Variants in TIE1 observed in about 807,000 individuals in gnomAD.
The protein encoded by TIE1 is tyrosine kinase with immunoglobulin like and EGF like domains 1.
Under a neutral mutation model 130.5 loss-of-function variants are expected in TIE1, and 89 were observed. The observed-to-expected ratio is 0.68, with a 90% CI of 0.57 to 0.81. The LOEUF is 0.81. Among genes scored for constraint, TIE1 ranks in the 40% least tolerant of loss-of-function variants. TIE1 has a pLI of 0.00. For synonymous variants in TIE1, 568 were observed against 629.4 expected (o/e 0.90, Z 1.46); for missense variants, 1,392 against 1,559.8 (o/e 0.89, Z 1.81).
chr1:43,310,537 C>G (rs1218915457), intron 9 of TIE1, among the ~76,000 whole-genome samples: 1 of 152,148 alleles, frequency 6.6e-6, no homozygotes, highest in Non-Finnish European at 1.5e-5. Flanking sequence ...TAAAATGTCA[C>G]CTAGTCCCTA....
intron 1 of TIE1, among the ~76,000 whole-genome samples, chr1:43,303,932 A>G (rs1646696184): frequency 6.6e-6 from 1 of 151,940 alleles, no homozygotes; most frequent in Non-Finnish European, 1.5e-5. Context: ...AGCGCCCTAC[A>G]TTTGGCAGCT....
intron 19 of TIE1, chr1:43,320,112 C>T (rs1646898982): frequency 6.2e-6 from 1 of 160,354 alleles, no homozygotes; most frequent in Non-Finnish European, 1.4e-5. Flanking sequence ...TCTGCCCCAA[C>T]ACTCCCTTGA....
At position 43,307,035 on chromosome 1, in the gene TIE1, G is replaced by A. The variant is rs756225035; in HGVS notation, c.640+40G>A. On this transcript the variant is annotated intron_variant, in intron 4 of 22. Transcript: ENST00000372476. The surrounding 1 kb of genome is among the most constrained non-coding windows in gnomAD (Gnocchi z 5.4). Reference sequence around the variant, plus strand: ...GCAGAGGTTGTGGGTAGGGTGGGAGGCTGGGAGCCCTATGGGTACTTCCTG... The same window carrying A: ...GCAGAGGTTGTGGGTAGGGTGGGAGACTGGGAGCCCTATGGGTACTTCCTG... 3 of 1,613,284 alleles carry A rather than the reference G, an allele frequency of 1.9e-6. No individual in the cohort carries two copies. The highest frequency in any genetic ancestry group is 1.7e-6 in the Non-Finnish European group (2 of 1,179,830).
intron 14 of TIE1, chr1:43,314,723 G>A (rs1022039711): frequency 3.3e-5 from 7 of 214,352 alleles, no homozygotes; most frequent in Non-Finnish European, 4.8e-5. Context: ...AGCTACTCGG[G>A]AGGCTGAGGC....
In TIE1 at chr1:43,317,264, G is replaced by A; in HGVS notation, c.2475G>A (p.Gln825=). 1 of 1,614,164 alleles carries A rather than the reference G, an allele frequency of 6.2e-7. No individual in the cohort carries two copies. Among genetic ancestry groups the A allele is most frequent in the Non-Finnish European group, 8.5e-7 (1 of 1,180,036 alleles). The part of the protein sequence containing the change: ...TLTLTRRPKL[Q]PEPLSYPVLE... ...CACTTACCCGGCGGCCAAAACTGCA[G>A]CCCGAGCCCCTGAGCTACCCAGTGC... Residue 825 remains glutamine (Q), a synonymous_variant, in exon 15 of 23, where the codon CAG becomes CAA. Transcript: ENST00000372476. The surrounding 1 kb of genome is among the most constrained non-coding windows in gnomAD (Gnocchi z 5.1).
rs1263971954 is a variant in TIE1 at position 43,307,587 on chromosome 1, C to T, written c.913+15C>T. On this transcript the variant is annotated intron_variant, in intron 6 of 22. Coordinates refer to ENST00000372476, the MANE Select transcript of TIE1 (RefSeq NM_005424.5). This position sits in a 1 kb window ranked among gnomAD's most constrained non-coding sequence, Gnocchi z 5.4. ...GTGCCAAGAAGGTATGCCTAACCTA[C>T]CCTCATGGTCCCTGACCAAGACAGC... 6.2e-7 allele frequency: 1 copy of T among 1,613,804 alleles called. No individual in the cohort carries two copies. The highest frequency in any genetic ancestry group is 1.3e-5 in the African/African-American group (1 of 74,912).
At position 43,317,859 on chromosome 1, in the gene TIE1, C is replaced by G; in HGVS notation, c.2732-23C>G. 2.5e-6 allele frequency: 4 copies of G among 1,612,466 alleles called. No individual in the cohort carries two copies. The highest frequency in any genetic ancestry group is 3.4e-6 in the Non-Finnish European group (4 of 1,178,944). On this transcript the variant is annotated intron_variant, in intron 16 of 22. Coordinates refer to ENST00000372476, the MANE Select transcript of TIE1 (RefSeq NM_005424.5). This position sits in a 1 kb window ranked among gnomAD's most constrained non-coding sequence, Gnocchi z 5.1. ...TAGGTTGCCTGTGTCTAAATCACCACTGTCTGTCTCTTTGCCTCTCAGGTT... is the reference window on the plus strand; with the variant it reads ...TAGGTTGCCTGTGTCTAAATCACCAGTGTCTGTCTCTTTGCCTCTCAGGTT...
chr1:43,320,473 C>A (rs1187863344), intron 19 of TIE1: 1 of 152,236 alleles, frequency 6.6e-6, no homozygotes, highest in African/African-American at 2.4e-5. Context: ...AATCCCAGCA[C>A]TTTGGGAGGC....
In TIE1 at chr1:43,304,882, C is replaced by T; in HGVS notation, c.90C>T (p.Asn30=). 1 of 1,425,484 alleles carries T rather than the reference C, an allele frequency of 7.0e-7. No individual in the cohort carries two copies. The highest frequency in any genetic ancestry group is 2.6e-5 in the East Asian group (1 of 38,204). 88.3% of individuals were successfully genotyped at this position (1,425,484 alleles called of 1,614,324 possible). The change falls in exon 2 of 23, where the codon AAC becomes AAT. Residue 30 remains asparagine, a synonymous_variant. Coordinates refer to ENST00000372476, the MANE Select transcript of TIE1 (RefSeq NM_005424.5). ...CGGTGGACCTGACGCTGCTGGCCAA[C>T]CTGCGGCTCACGGACCCCCAGCGCT... The part of the protein sequence containing the change: ...GAAVDLTLLA[N]LRLTDPQRFF...
Position 43,309,357 on chromosome 1 carries a change from G to A in TIE1, c.1189-31G>A, listed in dbSNP as rs765231404. On this transcript the variant is annotated intron_variant, in intron 8 of 22. Coordinates refer to ENST00000372476, the MANE Select transcript of TIE1 (RefSeq NM_005424.5). The surrounding 1 kb of genome is among the most constrained non-coding windows in gnomAD (Gnocchi z 6.3). The stretch of plus-strand genomic sequence containing the variant: ...CCTGCCACAGAGGTGCCCGTTCCCT[G>A]TGACCTGTCCCCTTCCCCCATCTCT... 13 of 1,558,544 alleles carry A rather than the reference G, an allele frequency of 8.3e-6. No individual in the cohort carries two copies. The highest frequency in any genetic ancestry group is 1.0e-5 in the Non-Finnish European group (12 of 1,155,484).
intron 14 of TIE1, chr1:43,314,615 G>A (rs1485461674): frequency 5.3e-5 from 49 of 929,956 alleles, no homozygotes; most frequent in Non-Finnish European, 6.0e-5. Context: ...ATCGCCTGAG[G>A]TCAGGAGTTT....
chr1:43,311,751 T>C lies in TIE1; in HGVS notation c.1414T>C (p.Ser472Pro). The change falls in exon 10 of 23, where the codon TCT becomes CCT. Residue 472 changes from serine to proline, a missense_variant. By Grantham distance (74) the Ser-to-Pro change is moderately conservative. Coordinates refer to ENST00000372476, the MANE Select transcript of TIE1 (RefSeq NM_005424.5). ...TGTGGTCTCCCCGCTGGTCTCGTTC[T>C]CTGGGGATGGACCCATCTCCACTGT... is the stretch of plus-strand genomic sequence containing the variant. ...QLVVSPLVSF[S>P]GDGPISTVRL... 1 of 1,614,132 alleles carries C rather than the reference T, an allele frequency of 6.2e-7. No individual in the cohort carries two copies. Among genetic ancestry groups the C allele is most frequent in the Non-Finnish European group, 8.5e-7 (1 of 1,180,006 alleles).
In TIE1 at chr1:43,322,410, G is replaced by A. The variant is rs1646928890; in HGVS notation, c.3346-241G>A. On this transcript the variant is annotated intron_variant, in intron 22 of 22. Transcript: ENST00000372476. The surrounding 1 kb of genome is among the most constrained non-coding windows in gnomAD (Gnocchi z 4.0). ...CGCATAAGCCAAGAATTCATTGAAA[G>A]AGTGCATGTAAAAACCCTCCTCTAA... is the stretch of plus-strand genomic sequence containing the variant. Among the ~76,000 whole-genome samples the A allele has an allele frequency of 6.6e-6, 1 of 152,232 alleles. No individual in the cohort carries two copies. Among genetic ancestry groups the A allele is most frequent in the African/African-American group, 2.4e-5 (1 of 41,462 alleles).
At chr1:43,314,581 A>G in intron 14 of TIE1, 1 of 986,104 alleles carries the variant, frequency 1.0e-6, no homozygotes, top group Non-Finnish European at 1.2e-6. Context: ...TAATCCTAGC[A>G]TTTTGGGAGG....
intron 1 of TIE1, chr1:43,302,510 T>A (rs1256449597): frequency 6.6e-6 from 1 of 152,070 alleles, no homozygotes; most frequent in Non-Finnish European, 1.5e-5. Context: ...TTACACTGCC[T>A]CAGGTAGGAG....
Position 43,322,432 on chromosome 1 carries a change from C to T in TIE1, c.3346-219C>T, listed in dbSNP as rs574509164. On this transcript the variant is annotated intron_variant, in intron 22 of 22. Coordinates refer to ENST00000372476, the MANE Select transcript of TIE1 (RefSeq NM_005424.5). The surrounding 1 kb of genome is among the most constrained non-coding windows in gnomAD (Gnocchi z 4.0). ...AAAGAGTGCATGTAAAAACCCTCCT[C>T]TAACAATGGCATTGAGAGCCTCTCA... Among the ~76,000 whole-genome samples the T allele has an allele frequency of 1.1e-3, 175 of 152,352 alleles. No homozygotes were observed. Among genetic ancestry groups the T allele is most frequent in the South Asian group, 0.011 (53 of 4,834 alleles).
intron 3 of TIE1, among the ~76,000 whole-genome samples, chr1:43,305,609 C>T (rs1646721328): frequency 6.6e-6 from 1 of 152,228 alleles, no homozygotes; most frequent in Non-Finnish European, 1.5e-5. Context: ...CGATGTTAAA[C>T]CCTCATCTCT....
chr1:43,309,646 C>A lies in TIE1; in HGVS notation c.1333+114C>A. On this transcript the variant is annotated intron_variant, in intron 9 of 22. Transcript: ENST00000372476. The surrounding 1 kb of genome is among the most constrained non-coding windows in gnomAD (Gnocchi z 6.3). ...GGACAAGGACATCTAAGGTCATAGCCTAGCACCAGACAAAAAGCGGGGTTG... is the reference window on the plus strand; with the variant it reads ...GGACAAGGACATCTAAGGTCATAGCATAGCACCAGACAAAAAGCGGGGTTG... 2 of 1,363,728 alleles carry A rather than the reference C, an allele frequency of 1.5e-6. No individual in the cohort carries two copies. The highest frequency in any genetic ancestry group is 2.6e-5 in the East Asian group (1 of 37,846). The allele number at this position is 1,363,728 out of a possible 1,614,324, so 84.5% of individuals were successfully genotyped here. A position where few individuals can be genotyped will look rare whatever the true frequency, so the allele number is the denominator to read the frequency against.
rs1646878629 is a variant in TIE1 at position 43,318,057 on chromosome 1, C to T, written c.2907C>T (p.Tyr969=). The T allele has an allele frequency of 2.6e-6, 4 of 1,557,974 alleles. No individual in the cohort carries two copies. Among genetic ancestry groups the T allele is most frequent in the Non-Finnish European group, 8.7e-7 (1 of 1,150,726 alleles). Residue 969 remains tyrosine, a synonymous_variant, in exon 17 of 23, where the codon TAC becomes TAT. Coordinates refer to ENST00000372476, the MANE Select transcript of TIE1 (RefSeq NM_005424.5). The surrounding 1 kb of genome is among the most constrained non-coding windows in gnomAD (Gnocchi z 4.4). ...FASDAANGMQ[Y]LSEKQFIHRD... ...GTGATGCGGCCAATGGCATGCAGTA[C>T]CTGAGTGAGAAGCAGGTGTGTGTGA...
Sources: allele counts gnomAD v4.1 joint callset (sites outside exome capture counted in the v4.1 genomes callset), GRCh38; gene constraint gnomAD v4.1.1; non-coding constraint Gnocchi (gnomAD v3.1); transcripts MANE v1.5; gene names NCBI Gene and HGNC (gene_info 2026-07-23, HGNC 2026-07-21).